The following CTSC variants were observed in gnomAD, a reference collection of about 807,000 sequenced individuals.
CTSC encodes dipeptidyl peptidase 1.
Under a neutral mutation model 40.9 loss-of-function variants are expected in CTSC, and 37 were observed. The ratio of observed to expected loss-of-function variants is 0.91; its 90% CI spans 0.70 to 1.19. The LOEUF (loss-of-function observed/expected upper bound fraction) is 1.19. Among genes scored for constraint, CTSC ranks in the 50% most tolerant of loss-of-function variants. The pLI, the probability that CTSC is intolerant of heterozygous loss-of-function variation, is 0.00. For missense variants in CTSC, 594 were observed against 567.3 expected, an observed-to-expected ratio of 1.05 and a Z score of -0.48; for synonymous variants, 232 against 207.4, an observed-to-expected ratio of 1.12 and a Z score of -1.02.
chr11:88,298,404 A>C lies in CTSC; in HGVS notation c.757+2126T>G, dbSNP rs539498308. The C allele has an allele frequency of 3.3e-5, 5 of 152,362 alleles. No homozygotes were observed. In the East Asian group the frequency reaches 7.7e-4, roughly 23 times the overall value. 9.4% of individuals were successfully genotyped at this position (152,362 alleles called of 1,614,324 possible). The stretch of plus-strand genomic sequence containing the variant: ...TGTTCTTAAATCTGTTTTCAAGTGT[A>C]AAGGTAAAACCTCATTTGTCCTCCC... On this transcript the variant is annotated intron_variant, in intron 5 of 6. Coordinates refer to ENST00000227266, the MANE Select transcript of CTSC (RefSeq NM_001814.6).
chr11:88,325,991 G>C (rs1032719587), intron 2 of CTSC: 2 of 1,007,740 alleles, frequency 2.0e-6, no homozygotes, highest in Non-Finnish European at 2.4e-6. Flanking sequence ...TAAAATTTAC[G>C]CTGTGAATAA....
rs1944266535 is a variant in CTSC at position 88,293,755 on chromosome 11, C to G, written c.*251G>C. The G allele has an allele frequency of 2.0e-6, 1 of 512,750 alleles. No homozygotes were observed. 31.8% of individuals were successfully genotyped at this position (512,750 alleles called of 1,614,324 possible). A position where few individuals can be genotyped will look rare whatever the true frequency, so the allele number is the denominator to read the frequency against. Reference sequence around the variant, plus strand: ...CATGTTTGAATTACAAATGATTAAGCAAACTCTATTACTTCATAGCTGACC... The same window carrying G: ...CATGTTTGAATTACAAATGATTAAGGAAACTCTATTACTTCATAGCTGACC... On this transcript the variant is annotated 3_prime_UTR_variant, in exon 7 of 7. Transcript: ENST00000227266.
chr11:88,325,540 A>G, intron 2 of CTSC: 1 of 985,406 alleles, frequency 1.0e-6, no homozygotes, highest in Non-Finnish European at 1.2e-6. Context: ...TTGAAAGACA[A>G]GTTCTAGCAT....
chr11:88,294,294 C>T lies in CTSC; in HGVS notation c.1104G>A (p.Gly368=), dbSNP rs1479718336. 6.2e-7 allele frequency: 1 copy of T among 1,613,938 alleles called. No individual in the cohort carries two copies. Among genetic ancestry groups the T allele is most frequent in the Non-Finnish European group, 8.5e-7 (1 of 1,180,012 alleles). The change falls in exon 7 of 7, where the codon GGG becomes GGA. Residue 368 remains glycine (G), a synonymous_variant. Coordinates refer to ENST00000227266, the MANE Select transcript of CTSC (RefSeq NM_001814.6). ...ATACTTCAAAAGCAACTGCCATGGG[C>T]CCATGATGGACCAACTCAAGCTTCA... ...ALMKLELVHH[G]PMAVAFEVYD... is the part of the protein sequence containing the mutation.
At chr11:88,335,265 G>C (rs1219141805) in intron 1 of CTSC, among the ~76,000 whole-genome samples, 183 bp from the exon 2 acceptor site, 1 of 151,950 alleles carries the variant, frequency 6.6e-6, no homozygotes, top group Admixed American at 6.6e-5. Context: ...CTGCTCCGAG[G>C]CAAGACTGTG....
chr11:88,297,068 G>T (rs1040709769), intron 5 of CTSC: 2 of 152,402 alleles, frequency 1.3e-5, no homozygotes, highest in African/African-American at 2.4e-5. Flanking sequence ...GCAATGAGCT[G>T]TCCAAGGACA....
At chr11:88,333,369 T>G (rs189754069) in intron 2 of CTSC, among the ~76,000 whole-genome samples, 11 of 152,370 alleles carry the variant, frequency 7.2e-5, no homozygotes, top group African/African-American at 1.9e-4. Context: ...TCATTTTTTT[T>G]GTAATAAATT....
In CTSC at chr11:88,309,181, T is replaced by C; in HGVS notation, c.623A>G (p.His208Arg). The change falls in exon 4 of 7, where the codon CAC (histidine) becomes CGC (arginine). Residue 208 changes from histidine to arginine, a missense_variant. Transcript: ENST00000227266. ...LGDMIRRSGG[H>R]SRKIPRPKPA... ...TGATTACCTTGGGATTTTTCGACTG[T>C]GGCCACCACTTCTCCTAATCATATC... The C allele has an allele frequency of 6.2e-7, 1 of 1,614,056 alleles. No homozygotes were observed. Among genetic ancestry groups the C allele is most frequent in the Non-Finnish European group, 8.5e-7 (1 of 1,179,936 alleles).
chr11:88,331,120 C>T (rs898642107), intron 2 of CTSC, among the ~76,000 whole-genome samples: 1 of 152,134 alleles, frequency 6.6e-6, no homozygotes, highest in Non-Finnish European at 1.5e-5. Context: ...CTTCGGTGAC[C>T]CCAAAATATG....
At chr11:88,312,755 T>C (rs1403910806) in intron 2 of CTSC, among the ~76,000 whole-genome samples, 1 of 151,884 alleles carries the variant, frequency 6.6e-6, no homozygotes, top group Non-Finnish European at 1.5e-5. Flanking sequence ...CCAAACAAAA[T>C]GTATATAACA....
At chr11:88,316,042 T>C (rs1448162035) in intron 2 of CTSC, among the ~76,000 whole-genome samples, 1 of 152,024 alleles carries the variant, frequency 6.6e-6, no homozygotes, top group African/African-American at 2.4e-5. Context: ...ATTAACTGAC[T>C]CATGAGTCAC....
chr11:88,329,327 C>G (rs7951446), intron 2 of CTSC, among the ~76,000 whole-genome samples: 66,093 of 151,426 alleles, frequency 0.44, 15,293 homozygotes, highest in Middle Eastern at 0.54. Flanking sequence ...ACTAAAAATA[C>G]AAAAATTAGC....
intron 2 of CTSC, among the ~76,000 whole-genome samples, chr11:88,327,609 C>A (rs1321104663): frequency 6.6e-6 from 1 of 152,092 alleles, no homozygotes; most frequent in Non-Finnish European, 1.5e-5. Flanking sequence ...TTAATAGAAG[C>A]CAGTTTTACA....
intron 4 of CTSC, among the ~76,000 whole-genome samples, chr11:88,308,588 C>T (rs1937686121): frequency 1.3e-5 from 2 of 152,008 alleles, no homozygotes; most frequent in Admixed American, 1.3e-4. Flanking sequence ...TATGGCCCCA[C>T]CTAGAAGCAA....
chr11:88,327,614 T>C, intron 2 of CTSC, among the ~76,000 whole-genome samples: 1 of 152,150 alleles, frequency 6.6e-6, no homozygotes. Context: ...AGAAGCCAGT[T>C]TTACAAAGCT....
Position 88,321,184 on chromosome 11 carries a change from G to A in CTSC, c.319-8630C>T, listed in dbSNP as rs190964542. 6.0e-4 allele frequency: 157 copies of A among 262,998 alleles called. 1 individual carries two copies. The highest frequency in any genetic ancestry group is 8.7e-4 in the Non-Finnish European group (147 of 169,600). The allele number at this position is 262,998 out of a possible 1,614,324, so 16.3% of individuals were successfully genotyped here. ...GTTCCAGGGTACATGTGTAGGATGTGCAGGTTTCTTACATAGATAAACATG... is the reference window on the plus strand; with the variant it reads ...GTTCCAGGGTACATGTGTAGGATGTACAGGTTTCTTACATAGATAAACATG... On this transcript the variant is annotated intron_variant, in intron 2 of 6. Transcript: ENST00000227266.
Position 88,312,466 on chromosome 11 carries a change from CAAGCCCAGTT to C in CTSC, c.397_406del (p.Asn133ValfsTer18). The C allele has an allele frequency of 6.2e-7, 1 of 1,614,184 alleles. No homozygotes were observed. The highest frequency in any genetic ancestry group is 8.5e-7 in the Non-Finnish European group (1 of 1,180,038). ...AGTTCCCACCTTCTTTCCGGTGAAA[CAAGCCCAGTT>C]CCGGCCCAACACATCATGCACCCAC... is the stretch of plus-strand genomic sequence containing the variant. On this transcript the variant is annotated frameshift_variant, in exon 3 of 7. Coordinates refer to ENST00000227266, the MANE Select transcript of CTSC (RefSeq NM_001814.6). LOFTEE classifies it high-confidence loss of function.
At chr11:88,313,458 C>T (rs1274273873) in intron 2 of CTSC, among the ~76,000 whole-genome samples, 3 of 152,182 alleles carry the variant, frequency 2.0e-5, no homozygotes, top group Non-Finnish European at 4.4e-5. Flanking sequence ...ATTCTTTACA[C>T]TTTATTTCAG....
chr11:88,337,705 T>A lies in CTSC; in HGVS notation c.-33A>T. 2 of 1,553,474 alleles carry A rather than the reference T, an allele frequency of 1.3e-6. No homozygotes were observed. Among genetic ancestry groups the A allele is most frequent in the Non-Finnish European group, 1.7e-6 (2 of 1,148,276 alleles). ...GGAGCTGAGAAAAGAGGTGAAGAAT[T>A]ACCAGGAAGCCGAGCGCTGCGGGCT... On this transcript the variant is annotated 5_prime_UTR_variant, in exon 1 of 7. Transcript: ENST00000227266.
Sources: gnomAD v4.1 joint callset for allele counts (sites outside exome capture counted in the v4.1 genomes callset) on GRCh38, gnomAD v4.1.1 for gene constraint, MANE v1.5 for transcripts, NCBI Gene and HGNC (gene_info 2026-07-23, HGNC 2026-07-21) for gene names.